The following RTN4 variants were observed in gnomAD, a reference collection of about 807,000 sequenced individuals.
The protein encoded by RTN4 is reticulon-4.
In RTN4, 32 loss-of-function variants were observed where a neutral mutation model predicts 90.4. The observed-to-expected ratio is 0.35, with a 90% CI of 0.27 to 0.48. The LOEUF is 0.48. Ranked by LOEUF, RTN4 falls within the 20% of genes least tolerant of loss-of-function variation. The probability of loss-of-function intolerance (pLI) is 0.99; values close to 1 mark genes in which losing one functional copy is unlikely to be tolerated. For synonymous variants in RTN4, 629 were observed against 552.5 expected (o/e 1.14, Z -1.94); for missense variants, 1,706 against 1,430.2 (o/e 1.19, Z -3.11).
chr2:55,007,015 C>A (rs1026618864), intron 3 of RTN4, among the ~76,000 whole-genome samples: 1 of 152,092 alleles, frequency 6.6e-6, no homozygotes, highest in African/African-American at 2.4e-5. Context: ...TCTGAGCTTC[C>A]GAGATGTTCT....
chr2:55,097,960 C>A (rs1667778590), intron 1 of RTN4, among the ~76,000 whole-genome samples: 4 of 152,050 alleles, frequency 2.6e-5, no homozygotes, highest in Admixed American at 1.3e-4. Flanking sequence ...TCCTCATCAA[C>A]CTTCAGCCTC....
In RTN4 at chr2:55,060,939, G is replaced by C. The variant is rs536792387; in HGVS notation, c.-63+19550C>G. On this transcript the variant is annotated intron_variant, in intron 2 of 3. Transcript: ENST00000427710. ...TGTCTCAAAATAAAGAAGACTTCTT[G>C]TTGGCCCCTAGTATCCATTATCCTA... Among the ~76,000 whole-genome samples the C allele has an allele frequency of 1.7e-4, 26 of 152,166 alleles. 1 individual carries two copies. The South Asian group carries it at 3.5e-3, about 21-fold the overall frequency.
chr2:55,050,326 A>AGCT lies in RTN4; in HGVS notation c.-29_-27dup, dbSNP rs753354965. 9.5e-6 allele frequency: 13 copies of AGCT among 1,365,008 alleles called. No individual in the cohort carries two copies. Among genetic ancestry groups the AGCT allele is most frequent in the South Asian group, 1.8e-5 (1 of 55,024 alleles). The allele number at this position is 1,365,008 out of a possible 1,614,324, so 84.6% of individuals were successfully genotyped here. ...GGCTGGAGGGTGGAGATGATGCTGC[A>AGCT]GCTGCTGCCGCCGCCGCCGGGGCCG... On this transcript the variant is annotated 5_prime_UTR_variant, in exon 1 of 9. Transcript: ENST00000337526. The surrounding 1 kb of genome is among the most constrained non-coding windows in gnomAD (Gnocchi z 4.6).
At chr2:55,113,906 A>G (rs769849970), upstream of RTN4, among the ~76,000 whole-genome samples, 6 of 152,320 alleles carry the variant, frequency 3.9e-5, no homozygotes, top group Non-Finnish European at 7.4e-5. Flanking sequence ...CAAAAACAGA[A>G]TATCAACTGC....
At chr2:55,120,777 G>A in the RTN4 span, among the ~76,000 whole-genome samples, 1 of 152,050 alleles carries the variant, frequency 6.6e-6, no homozygotes, top group East Asian at 1.9e-4. Context: ...TGTGGGAGGC[G>A]ACTGTCAGCA....
At chr2:55,049,528 C>G in intron 1 of RTN4, 1 of 754,806 alleles carries the variant, frequency 1.3e-6, no homozygotes, top group Non-Finnish European at 2.2e-6. Context: ...CACGTGTTCC[C>G]CGAAACCAAG....
At position 55,027,152 on chromosome 2, in the gene RTN4, A is replaced by C. The variant is rs764518493; in HGVS notation, c.947T>G (p.Val316Gly). 6.2e-7 allele frequency: 1 copy of C among 1,613,514 alleles called. No individual in the cohort carries two copies. ...VSPKAESAVI[V>G]ANPREEIIVK... ...GATTATTTCTTCCCTAGGATTTGCT[A>C]CTATTACGGCAGATTCTGCTTTTGG... The change falls in exon 3 of 9, where the codon GTA becomes GGA. Residue 316 changes from valine to glycine, a missense_variant. Coordinates refer to ENST00000337526, the MANE Select transcript of RTN4 (RefSeq NM_020532.5).
At chr2:55,113,240 G>A (rs1421097294), upstream of RTN4, among the ~76,000 whole-genome samples, 1 of 152,216 alleles carries the variant, frequency 6.6e-6, no homozygotes, top group African/African-American at 2.4e-5. Context: ...GGCTTCCTGG[G>A]GTGGGAAAAG....
At chr2:55,089,511 T>C (rs1668900169) in intron 1 of RTN4, among the ~76,000 whole-genome samples, 1 of 152,218 alleles carries the variant, frequency 6.6e-6, no homozygotes, top group African/African-American at 2.4e-5. Flanking sequence ...TCCGGCATGA[T>C]CTGCCAGGTA....
intron 1 of RTN4, among the ~76,000 whole-genome samples, chr2:55,085,205 TA>T (rs1668813716): frequency 6.6e-6 from 1 of 152,120 alleles, no homozygotes; most frequent in African/African-American, 2.4e-5. Flanking sequence ...TGCGTAGACA[TA>T]ACAGGAGATA....
the RTN4 span, among the ~76,000 whole-genome samples, chr2:55,137,662 T>A: frequency 6.6e-6 from 1 of 152,236 alleles, no homozygotes; most frequent in South Asian, 2.1e-4. Context: ...ACCCCACTGC[T>A]GGCACAGAGA....
intron 3 of RTN4, among the ~76,000 whole-genome samples, chr2:55,022,930 C>CACACACACACACACACACACACACA (rs1036253097): frequency 4.0e-5 from 6 of 150,306 alleles, no homozygotes; most frequent in South Asian, 2.1e-4. Context: ...CACACACACA[C>CACACACACACACACACACACACACA]CCTGCTCTCC....
chr2:55,119,443 T>G, the RTN4 span, among the ~76,000 whole-genome samples: 1 of 152,218 alleles, frequency 6.6e-6, no homozygotes, highest in Non-Finnish European at 1.5e-5. Flanking sequence ...TTGAGTCTAT[T>G]TAAGAACAGA....
chr2:55,134,334 C>T, the RTN4 span, among the ~76,000 whole-genome samples: 7 of 152,158 alleles, frequency 4.6e-5, no homozygotes, highest in African/African-American at 1.7e-4. Context: ...CTTCCCCCCA[C>T]TCCTCCTGAC....
upstream of RTN4, among the ~76,000 whole-genome samples, chr2:55,117,244 C>G (rs1455603864): frequency 6.6e-6 from 1 of 152,200 alleles, no homozygotes; most frequent in East Asian, 1.9e-4. Context: ...CATGTGAGAC[C>G]TTGAAATAGC....
chr2:55,049,703 G>A (rs1244524753), intron 1 of RTN4, 42 bp downstream of exon 1: 29 of 1,418,924 alleles, frequency 2.0e-5, no homozygotes, highest in Admixed American at 2.9e-5. Context: ...AAAGAGGGAG[G>A]GGCGCGAGGG....
chr2:55,133,074 G>T, the RTN4 span, among the ~76,000 whole-genome samples: 1 of 151,954 alleles, frequency 6.6e-6, no homozygotes, highest in Non-Finnish European at 1.5e-5. Flanking sequence ...AGCCAGGTGT[G>T]CTGGTGGGTG....
At position 55,026,751 on chromosome 2, in the gene RTN4, T is replaced by G. The variant is rs201992311; in HGVS notation, c.1348A>C (p.Thr450Pro). The G allele has an allele frequency of 3.7e-6, 6 of 1,613,850 alleles. No individual in the cohort carries two copies. Among genetic ancestry groups the G allele is most frequent in the Non-Finnish European group, 5.1e-6 (6 of 1,179,888 alleles). The change falls in exon 3 of 9, where the codon ACG (threonine) becomes CCG (proline). Residue 450 changes from threonine (T) to proline (P), a missense_variant. Transcript: ENST00000337526. ...GAACGATCCTTTATACCTTCTGGCG[T>G]ACTGGGGAAAGAAGTATCATCATTA... ...SSNDDTSFPS[T>P]PEGIKDRSGA...
intron 4 of RTN4, among the ~76,000 whole-genome samples, chr2:54,985,638 CT>C (rs1678500714): frequency 6.6e-6 from 1 of 152,176 alleles, no homozygotes; most frequent in African/African-American, 2.4e-5. Context: ...ATGTTGGTCT[CT>C]CCCCCTAAAC....
Sources: allele counts gnomAD v4.1 joint callset (sites outside exome capture counted in the v4.1 genomes callset), GRCh38; gene constraint gnomAD v4.1.1; non-coding constraint Gnocchi (gnomAD v3.1); transcripts MANE v1.5; gene names NCBI Gene and HGNC (gene_info 2026-07-23, HGNC 2026-07-21).